SEC13: variants seen among roughly 807,000 people sequenced by gnomAD.
SEC13 encodes the protein protein SEC13 homolog.
Under a neutral mutation model 49.2 loss-of-function variants are expected in SEC13, and 25 were observed. The observed-to-expected ratio is 0.51, with a 90% CI of 0.37 to 0.71. SEC13 has a LOEUF of 0.71. Among genes scored for constraint, SEC13 ranks in the 30% least tolerant of loss-of-function variants. The probability of loss-of-function intolerance (pLI) is 0.00; values close to 1 mark genes in which losing one functional copy is unlikely to be tolerated. For synonymous variants in SEC13, 148 were observed against 163.9 expected, an observed-to-expected ratio of 0.90 and a Z score of 0.74; for missense variants, 383 against 417.6, an observed-to-expected ratio of 0.92 and a Z score of 0.72.
intron 5 of SEC13, among the ~76,000 whole-genome samples, chr3:10,311,373 T>C (rs1701241995): frequency 6.6e-6 from 1 of 152,182 alleles, no homozygotes; most frequent in Non-Finnish European, 1.5e-5. Context: ...TATCCAATAA[T>C]CATACAGATG....
rs554357597 is a variant in SEC13, at chr3:10,302,169, C to T, written c.856-795G>A. ...AGGAGAATCGCTTGAACCCAGGAGG[C>T]GGAGGTTGCAGTGAGCCGAGACTGC... On this transcript the variant is annotated intron_variant, in intron 8 of 8. Transcript: ENST00000350697. Among the ~76,000 whole-genome samples, 7 of 152,186 alleles carry T rather than the reference C, an allele frequency of 4.6e-5. No homozygotes were observed. The East Asian group carries it at 5.8e-4, about 13-fold the overall frequency.
At chr3:10,306,401 G>C (rs1700879146) in intron 5 of SEC13, among the ~76,000 whole-genome samples, 1 of 152,178 alleles carries the variant, frequency 6.6e-6, no homozygotes, top group South Asian at 2.1e-4. Context: ...ACTAGAGCTG[G>C]TGCGTTCTCT....
At chr3:10,308,525 C>G (rs1455517648) in intron 5 of SEC13, among the ~76,000 whole-genome samples, 1 of 152,112 alleles carries the variant, frequency 6.6e-6, no homozygotes, top group African/African-American at 2.4e-5. Flanking sequence ...CTGCTATAAC[C>G]TTTTGTGTAT....
chr3:10,313,841 G>C (rs572872284), intron 3 of SEC13: 1 of 157,014 alleles, frequency 6.4e-6, no homozygotes, highest in East Asian at 1.8e-4. Flanking sequence ...TGCCTGCCTG[G>C]GGGGCTCCTG....
intron 5 of SEC13, among the ~76,000 whole-genome samples, chr3:10,311,059 C>A (rs2125266408): frequency 6.6e-6 from 1 of 152,090 alleles, no homozygotes; most frequent in East Asian, 1.9e-4. Context: ...CCAGCGGGGG[C>A]CCCTGCCTGT....
chr3:10,319,795 A>AGAGAGAGAG (rs1309904220), intron 1 of SEC13, among the ~76,000 whole-genome samples: 18 of 2,338 alleles, frequency 7.7e-3, no homozygotes, highest in Admixed American at 0.023. Context: ...AGAGAGAGAG[A>AGAGAGAGAG]AGGCGGGGGG....
At chr3:10,305,725 T>C in intron 5 of SEC13, 33 bp from the exon 6 acceptor site, 2 of 1,612,996 alleles carry the variant, frequency 1.2e-6, no homozygotes, top group East Asian at 2.2e-5. Flanking sequence ...GACTCTGCCT[T>C]GCAAGAGAAC....
intron 1 of SEC13, among the ~76,000 whole-genome samples, chr3:10,318,694 C>T (rs956474229): frequency 2.0e-5 from 3 of 152,178 alleles, no homozygotes; most frequent in African/African-American, 7.2e-5. Context: ...GCTCCCTGGT[C>T]CGTCACGTAG....
intron 3 of SEC13, chr3:10,313,844 G>C (rs1701439286): frequency 6.4e-6 from 1 of 156,856 alleles, no homozygotes; most frequent in Non-Finnish European, 1.4e-5. Context: ...CTGCCTGGGG[G>C]GCTCCTGCAT....
At chr3:10,318,134 G>A (rs934665144) in intron 1 of SEC13, 40 bp from the exon 2 acceptor site, 1 of 1,388,990 alleles carries the variant, frequency 7.2e-7, no homozygotes, top group Non-Finnish European at 1.0e-6. Context: ...ACTCATGGCA[G>A]TTAGAATACA....
intron 1 of SEC13, among the ~76,000 whole-genome samples, chr3:10,319,806 G>T (rs1167090056): frequency 4.5e-5 from 2 of 44,230 alleles, no homozygotes; most frequent in Non-Finnish European, 9.8e-5. Context: ...AGGCGGGGGG[G>T]GGGGGGGGGG....
chr3:10,311,643 C>A lies in SEC13; in HGVS notation c.450+322G>T, dbSNP rs186330862. The A allele has an allele frequency of 1.2e-5, 14 of 1,175,174 alleles. No homozygotes were observed. The Admixed American group carries it at 1.3e-4, about 11-fold the overall frequency. The allele number at this position is 1,175,174 out of a possible 1,614,324, so 72.8% of individuals were successfully genotyped here. ...TTTTAAAAGTTTTAATAACACCACT[C>A]CATTCTACAGGGTCCCAATGACTAC... On this transcript the variant is annotated intron_variant, in intron 5 of 8. Transcript: ENST00000350697.
Position 10,301,124 on chromosome 3 carries a change from CTGTGGCTGCATCT to C in SEC13, c.*124_*136del. ...GATCACGTTAAGGCAGATGATCAAT[CTGTGGCTGCATCT>C]GTAACTCCTCCTGGGAAAATAATCC... is the stretch of plus-strand genomic sequence containing the variant. On this transcript the variant is annotated 3_prime_UTR_variant, in exon 9 of 9. Transcript: ENST00000350697. 1 of 1,613,792 alleles carries C rather than the reference CTGTGGCTGCATCT, an allele frequency of 6.2e-7. No individual in the cohort carries two copies. The highest frequency in any genetic ancestry group is 2.2e-5 in the East Asian group (1 of 44,880).
intron 7 of SEC13, 43 bp downstream of exon 7, chr3:10,304,990 C>G (rs1050024463): frequency 6.2e-7 from 1 of 1,613,036 alleles, no homozygotes; most frequent in Admixed American, 1.7e-5. Context: ...ATGGGCCTGA[C>G]TCGAGACTAA....
chr3:10,319,541 C>T (rs1449923969), intron 1 of SEC13, among the ~76,000 whole-genome samples: 1 of 152,050 alleles, frequency 6.6e-6, no homozygotes, highest in Non-Finnish European at 1.5e-5. Flanking sequence ...CCCTAACCTT[C>T]TAATGCTGAG....
At position 10,314,627 on chromosome 3, in the gene SEC13, C is replaced by T. The variant is rs150406591; in HGVS notation, c.164+694G>A. ...CTCTATTCACAGAACCCTTGGAGAT[C>T]CACGGCACCCAGGCAAACCCACAAA... is the stretch of plus-strand genomic sequence containing the variant. On this transcript the variant is annotated intron_variant, in intron 3 of 8. Transcript: ENST00000350697. 2.6e-5 allele frequency among the ~76,000 whole-genome samples: 4 copies of T among 152,286 alleles called. 1 individual carries two copies. The highest frequency in any genetic ancestry group is 4.4e-5 in the Non-Finnish European group (3 of 68,030).
intron 3 of SEC13, 161 bp downstream of exon 3, chr3:10,315,160 C>T: frequency 1.6e-6 from 1 of 606,606 alleles, no homozygotes; most frequent in Non-Finnish European, 3.0e-6. Flanking sequence ...GGGACGTCCG[C>T]TGAGGACAGC....
intron 5 of SEC13, 52 bp downstream of exon 5, chr3:10,311,913 C>T (rs1701284236): frequency 6.2e-7 from 1 of 1,614,052 alleles, no homozygotes; most frequent in Non-Finnish European, 8.5e-7. Flanking sequence ...CTGCAGCAGA[C>T]ACGGGGCAAG....
chr3:10,320,838 C>T, intron 1 of SEC13: 1 of 1,318,534 alleles, frequency 7.6e-7, no homozygotes, highest in Non-Finnish European at 9.7e-7. Flanking sequence ...GAGCGGCGCG[C>T]CCCGCAAAGT....
Sources: gnomAD v4.1 joint callset for allele counts (sites outside exome capture counted in the v4.1 genomes callset) on GRCh38, gnomAD v4.1.1 for gene constraint, MANE v1.5 for transcripts, NCBI Gene and HGNC (gene_info 2026-07-23, HGNC 2026-07-21) for gene names.